TANGO6: variants seen among roughly 807,000 people sequenced by gnomAD.
TANGO6 encodes the protein transport and Golgi organization protein 6 homolog.
TANGO6 carries 90 observed loss-of-function variants against 114.2 expected under a neutral mutation model. The ratio of observed to expected loss-of-function variants is 0.79; its 90% CI spans 0.66 to 0.94. TANGO6 has a LOEUF of 0.94. Ranked by LOEUF, TANGO6 falls within the 40% of genes least tolerant of loss-of-function variation. The pLI is 0.00. For synonymous variants in TANGO6, 477 were observed against 509.8 expected (o/e 0.94, Z 0.87); for missense variants, 1,274 against 1,315.3 (o/e 0.97, Z 0.49).
intron 1 of TANGO6, among the ~76,000 whole-genome samples, chr16:68,846,151 G>C (rs965444293): frequency 1.3e-5 from 2 of 151,964 alleles, no homozygotes; most frequent in East Asian, 1.9e-4. Context: ...TCAGCCTCCC[G>C]AGTAGCTGGG....
At chr16:69,013,490 G>A (rs978254571) in intron 15 of TANGO6, among the ~76,000 whole-genome samples, 14 of 151,694 alleles carry the variant, frequency 9.2e-5, no homozygotes, top group African/African-American at 2.9e-4. Flanking sequence ...GGTGGCATGC[G>A]CCTGTGGTCC....
chr16:69,063,181 C>G (rs1435836755), intron 17 of TANGO6, among the ~76,000 whole-genome samples: 1 of 150,054 alleles, frequency 6.7e-6, no homozygotes, highest in Non-Finnish European at 1.5e-5. Context: ...CAAGATCGCG[C>G]CATTACCCTC....
intron 14 of TANGO6, among the ~76,000 whole-genome samples, chr16:68,967,247 G>A (rs759494229): frequency 2.0e-5 from 3 of 152,172 alleles, no homozygotes; most frequent in Non-Finnish European, 2.9e-5. Flanking sequence ...GGATGAAACT[G>A]TTCCACCTCA....
intron 16 of TANGO6, among the ~76,000 whole-genome samples, chr16:69,038,441 A>G (rs1325412409): frequency 6.6e-6 from 1 of 152,032 alleles, no homozygotes; most frequent in Admixed American, 6.6e-5. Flanking sequence ...AAAAAAAAAA[A>G]AGTATATGAG....
intron 11 of TANGO6, among the ~76,000 whole-genome samples, chr16:68,911,079 G>T (rs996901988): frequency 5.3e-5 from 8 of 152,120 alleles, no homozygotes; most frequent in African/African-American, 1.7e-4. Context: ...GCATAAAAAA[G>T]AGGTATAAAG....
intron 7 of TANGO6, among the ~76,000 whole-genome samples, chr16:68,884,930 AG>A (rs1962519195): frequency 6.6e-6 from 1 of 152,228 alleles, no homozygotes; most frequent in African/African-American, 2.4e-5. Context: ...TTATGCACCA[AG>A]GATTGGCACT....
At chr16:68,912,314 A>G (rs117419793) in intron 11 of TANGO6, among the ~76,000 whole-genome samples, 7,724 of 152,168 alleles carry the variant, frequency 0.051, 239 homozygotes, top group Non-Finnish European at 0.072. Context: ...CCTGGGCAAC[A>G]TGGCAAAACC....
chr16:69,064,427 G>A (rs1010279541), intron 17 of TANGO6, among the ~76,000 whole-genome samples: 5 of 152,114 alleles, frequency 3.3e-5, no homozygotes, highest in Admixed American at 2.6e-4. Context: ...GATTCAGAGT[G>A]CCCTAAAGCA....
chr16:69,055,182 G>A (rs539147545), intron 17 of TANGO6, among the ~76,000 whole-genome samples: 1 of 152,238 alleles, frequency 6.6e-6, no homozygotes, highest in East Asian at 1.9e-4. Flanking sequence ...TGTACTCAGA[G>A]TTATTTGGTT....
chr16:69,015,421 G>A (rs1477513805), intron 15 of TANGO6, among the ~76,000 whole-genome samples: 1 of 151,988 alleles, frequency 6.6e-6, no homozygotes, highest in African/African-American at 2.4e-5. Flanking sequence ...GATGTAGCTG[G>A]GATGGGTTGA....
intron 15 of TANGO6, among the ~76,000 whole-genome samples, chr16:68,988,956 C>T (rs950717365): frequency 3.9e-5 from 6 of 152,254 alleles, no homozygotes; most frequent in Middle Eastern, 3.4e-3. Context: ...ACCTCGACCT[C>T]GCAGCCTCAG....
At chr16:69,031,062 A>G (rs374084128) in intron 16 of TANGO6, among the ~76,000 whole-genome samples, 5 of 152,048 alleles carry the variant, frequency 3.3e-5, no homozygotes, top group Admixed American at 1.3e-4. Context: ...CTCAAAAAAT[A>G]AAATTAAATT....
chr16:68,876,509 T>G (rs2152168223), intron 5 of TANGO6, among the ~76,000 whole-genome samples: 1 of 152,228 alleles, frequency 6.6e-6, no homozygotes, highest in South Asian at 2.1e-4. Context: ...CCTCTTTTCA[T>G]TTTGCTTTTT....
At chr16:69,061,285 C>T (rs1960111810) in intron 17 of TANGO6, among the ~76,000 whole-genome samples, 1 of 152,174 alleles carries the variant, frequency 6.6e-6, no homozygotes, top group Non-Finnish European at 1.5e-5. Context: ...TGGCTTCTGG[C>T]TGGACGCAGT....
At chr16:68,890,167 C>T (rs558569256) in intron 7 of TANGO6, among the ~76,000 whole-genome samples, 1 of 152,160 alleles carries the variant, frequency 6.6e-6, no homozygotes. Flanking sequence ...CAGCTTGATT[C>T]CGAATAGGCC....
At chr16:68,924,376 A>G (rs553277719) in intron 12 of TANGO6, among the ~76,000 whole-genome samples, 1 of 152,104 alleles carries the variant, frequency 6.6e-6, no homozygotes, top group Admixed American at 6.5e-5. Flanking sequence ...CAGATCAGCT[A>G]CTCGGGAGGC....
intron 15 of TANGO6, among the ~76,000 whole-genome samples, chr16:68,982,947 G>A (rs913768601): frequency 6.6e-6 from 1 of 151,802 alleles, no homozygotes; most frequent in Non-Finnish European, 1.5e-5. Flanking sequence ...AGAAAATGAA[G>A]TGTTTTTTTT....
chr16:68,870,584 A>G (rs1042996197), intron 4 of TANGO6, among the ~76,000 whole-genome samples: 2 of 152,132 alleles, frequency 1.3e-5, no homozygotes, highest in African/African-American at 2.4e-5. Context: ...TCTTTTTCCT[A>G]TGAGTTCCCC....
Position 68,849,585 on chromosome 16 carries a change from C to T in TANGO6, c.94+5874C>T, listed in dbSNP as rs1395828867. Reference sequence around the variant, plus strand: ...TAAGATAGGAGGGTCAGCTGAGCCCCGGAGTTTGAGGGTGCAATGGACTAT... The same window carrying T: ...TAAGATAGGAGGGTCAGCTGAGCCCTGGAGTTTGAGGGTGCAATGGACTAT... On this transcript the variant is annotated intron_variant, in intron 1 of 17. Transcript: ENST00000261778. Among the ~76,000 whole-genome samples, 10 of 151,854 alleles carry T rather than the reference C, an allele frequency of 6.6e-5. No homozygotes were observed. The South Asian group carries it at 8.3e-4, about 13-fold the overall frequency.
Sources: gnomAD v4.1 joint callset for allele counts (sites outside exome capture counted in the v4.1 genomes callset) on GRCh38, gnomAD v4.1.1 for gene constraint, MANE v1.5 for transcripts, NCBI Gene and HGNC (gene_info 2026-07-23, HGNC 2026-07-21) for gene names.